The following GOLGA2 variants were observed in gnomAD, a reference collection of about 807,000 sequenced individuals.
GOLGA2 encodes golgin A2.
A neutral mutation model predicts 148.8 loss-of-function variants in GOLGA2; 49 were observed. The observed-to-expected ratio is 0.33, with a 90% CI of 0.26 to 0.42. The LOEUF is 0.42. GOLGA2 is among the 10% of genes least tolerant of loss of function. The pLI is 1.00. For missense variants in GOLGA2, 1,178 were observed against 1,304.6 expected (o/e 0.90, Z 1.49); for synonymous variants, 501 against 511.8 (o/e 0.98, Z 0.28).
chr9:128,271,781 T>G lies in GOLGA2; in HGVS notation c.288+1004A>C, dbSNP rs1237361149. Among the ~76,000 whole-genome samples the G allele has an allele frequency of 1.3e-5, 2 of 152,196 alleles. No homozygotes were observed. The highest frequency in any genetic ancestry group is 2.9e-5 in the Non-Finnish European group (2 of 68,040). On this transcript the variant is annotated intron_variant, in intron 3 of 26. Transcript: ENST00000611957. The surrounding 1 kb of genome is among the most constrained non-coding windows in gnomAD (Gnocchi z 4.4). The stretch of plus-strand genomic sequence containing the variant: ...TCAGAGGAGTCTGCCTCCCTCGGTG[T>G]GCAGCCTACCTTGTTCATCTATTTT...
rs1830180867 is a variant in GOLGA2, at chr9:128,260,369, T to G, written c.1758+96A>C. ...TCACAGATGCCTCCAGAAGTACCATTTCAAGTGAGGGCTACACTGCCCCAC... is the reference window on the plus strand; with the variant it reads ...TCACAGATGCCTCCAGAAGTACCATGTCAAGTGAGGGCTACACTGCCCCAC... On this transcript the variant is annotated intron_variant, in intron 18 of 26. Transcript: ENST00000611957. This position sits in a 1 kb window ranked among gnomAD's most constrained non-coding sequence, Gnocchi z 4.8. 8.6e-7 allele frequency: 1 copy of G among 1,160,272 alleles called. No individual in the cohort carries two copies. Among genetic ancestry groups the G allele is most frequent in the South Asian group, 1.3e-5 (1 of 77,822 alleles). The allele number at this position is 1,160,272 out of a possible 1,614,324, so 71.9% of individuals were successfully genotyped here.
chr9:128,260,995 T>C lies in GOLGA2; in HGVS notation c.1420+177A>G. The C allele has an allele frequency of 1.5e-6, 1 of 669,576 alleles. No individual in the cohort carries two copies. The highest frequency in any genetic ancestry group is 2.6e-5 in the Admixed American group (1 of 38,506). The allele number at this position is 669,576 out of a possible 1,614,324, so 41.5% of individuals were successfully genotyped here. On this transcript the variant is annotated intron_variant, in intron 17 of 26. Coordinates refer to ENST00000611957, the MANE Select transcript of GOLGA2 (RefSeq NM_001366244.2). This position sits in a 1 kb window ranked among gnomAD's most constrained non-coding sequence, Gnocchi z 4.8. Reference sequence around the variant, plus strand: ...GGCTGACAACGGGCACTCCTTCGTCTTTGCTGATGGGGCACTGAGGCTCAT... The same window carrying C: ...GGCTGACAACGGGCACTCCTTCGTCCTTGCTGATGGGGCACTGAGGCTCAT...
chr9:128,273,807 C>T, intron 2 of GOLGA2, 43 bp downstream of exon 2: 1 of 1,607,824 alleles, frequency 6.2e-7, no homozygotes. Flanking sequence ...TCTACTGCCC[C>T]TTGGGCCCCC....
At position 128,260,834 on chromosome 9, in the gene GOLGA2, G is replaced by A. The variant is rs1377957089; in HGVS notation, c.1421-32C>T. 6.8e-7 allele frequency: 1 copy of A among 1,465,282 alleles called. No individual in the cohort carries two copies. Among genetic ancestry groups the A allele is most frequent in the Non-Finnish European group, 9.3e-7 (1 of 1,076,920 alleles). The allele number at this position is 1,465,282 out of a possible 1,614,324, so 90.8% of individuals were successfully genotyped here. On this transcript the variant is annotated intron_variant, in intron 17 of 26. Transcript: ENST00000611957. The surrounding 1 kb of genome is among the most constrained non-coding windows in gnomAD (Gnocchi z 4.8). ...AAGGACGCAGACAATAAAAGCCTCTGGATTCTCAAAAAAACCCTCCTCTTG... is the reference window on the plus strand; with the variant it reads ...AAGGACGCAGACAATAAAAGCCTCTAGATTCTCAAAAAAACCCTCCTCTTG...
chr9:128,275,125 C>T (rs1831230714), intron 1 of GOLGA2, among the ~76,000 whole-genome samples: 1 of 152,178 alleles, frequency 6.6e-6, no homozygotes, highest in African/African-American at 2.4e-5. Context: ...TTTCAGTTCA[C>T]GGGTGAAGTG....
In GOLGA2 at chr9:128,257,366, C is replaced by T. The variant is rs1439900322; in HGVS notation, c.2875+3G>A. ...GCCCACCCCTCCCGAGGGCTCTACT[C>T]ACCACCCTGCTGGTTGGCAGCCCCA... On this transcript the variant is annotated splice_donor_region_variant and intron_variant, in intron 26 of 26. Coordinates refer to ENST00000611957, the MANE Select transcript of GOLGA2 (RefSeq NM_001366244.2). This position sits in a 1 kb window ranked among gnomAD's most constrained non-coding sequence, Gnocchi z 8.0. 6.2e-7 allele frequency: 1 copy of T among 1,613,118 alleles called. No individual in the cohort carries two copies. Among genetic ancestry groups the T allele is most frequent in the Non-Finnish European group, 8.5e-7 (1 of 1,179,996 alleles).
At chr9:128,265,515 G>A in intron 12 of GOLGA2, 70 bp downstream of exon 12, 2 of 1,119,970 alleles carry the variant, frequency 1.8e-6, no homozygotes, top group South Asian at 1.2e-5. Flanking sequence ...CCTGCAGAAG[G>A]GACCTTTAGG....
rs1462405405 is a variant in GOLGA2 at position 128,268,176 on chromosome 9, C to T, written c.394-16G>A. ...CATCATGATTCTGTTTGGGAAGAAA[C>T]GTGTGAGATGGTCATTCAATTTCTG... On this transcript the variant is annotated splice_polypyrimidine_tract_variant and intron_variant, in intron 4 of 26. Coordinates refer to ENST00000611957, the MANE Select transcript of GOLGA2 (RefSeq NM_001366244.2). 16 of 1,608,660 alleles carry T rather than the reference C, an allele frequency of 9.9e-6. No individual in the cohort carries two copies. Among genetic ancestry groups the T allele is most frequent in the East Asian group, 6.7e-5 (3 of 44,862 alleles).
chr9:128,265,820 G>A lies in GOLGA2; in HGVS notation c.794C>T (p.Ala265Val), dbSNP rs1830561247. Residue 265 changes from alanine to valine, a missense_variant, in exon 11 of 27, where the codon GCT becomes GTT. Physicochemically the swap from Ala to Val is moderately conservative, Grantham distance 64. Transcript: ENST00000611957. ...CTGCCTGGCAGCATGCTGAGTGTGA[G>A]CCAGGGCTGTCTGTAACTCAGCTTT... ...SEKAELQTAL[A>V]HTQHAARQKE... 6.2e-7 allele frequency: 1 copy of A among 1,613,834 alleles called. No homozygotes were observed.
chr9:128,272,345 A>G (rs1419317877), intron 3 of GOLGA2, among the ~76,000 whole-genome samples: 3 of 152,024 alleles, frequency 2.0e-5, no homozygotes, highest in Non-Finnish European at 4.4e-5. Flanking sequence ...TGAGCCAGAC[A>G]TGGTGGCAGG....
intron 12 of GOLGA2, among the ~76,000 whole-genome samples, chr9:128,263,913 T>G (rs1056549094): frequency 1.4e-5 from 2 of 147,614 alleles, no homozygotes; most frequent in Non-Finnish European, 3.0e-5. Context: ...TCCTGGCACT[T>G]TGGGAGGCCG....
chr9:128,267,427 G>C (rs761091945), intron 7 of GOLGA2, 31 bp downstream of exon 7: 2 of 1,587,940 alleles, frequency 1.3e-6, no homozygotes, highest in South Asian at 2.2e-5. Flanking sequence ...TGGCCTGCAG[G>C]GTCACTGGGC....
In GOLGA2 at chr9:128,271,856, T is replaced by C. The variant is rs1415103205; in HGVS notation, c.288+929A>G. Among the ~76,000 whole-genome samples the C allele has an allele frequency of 6.6e-6, 1 of 152,192 alleles. No individual in the cohort carries two copies. Among genetic ancestry groups the C allele is most frequent in the African/African-American group, 2.4e-5 (1 of 41,442 alleles). ...CCTTTGTTGTCAAGAGCCCAATGAATATGGCTAAATGTCCATTTGGAGAGA... is the reference window on the plus strand; with the variant it reads ...CCTTTGTTGTCAAGAGCCCAATGAACATGGCTAAATGTCCATTTGGAGAGA... On this transcript the variant is annotated intron_variant, in intron 3 of 26. Transcript: ENST00000611957. This position sits in a 1 kb window ranked among gnomAD's most constrained non-coding sequence, Gnocchi z 4.4.
chr9:128,270,567 T>C (rs1830878361), intron 3 of GOLGA2, among the ~76,000 whole-genome samples: 1 of 152,184 alleles, frequency 6.6e-6, no homozygotes, highest in East Asian at 1.9e-4. Flanking sequence ...AAATGTCCCA[T>C]CCCATTAAGA....
At chr9:128,272,003 C>T (rs1281371373) in intron 3 of GOLGA2, among the ~76,000 whole-genome samples, 1 of 150,918 alleles carries the variant, frequency 6.6e-6, no homozygotes, top group East Asian at 1.9e-4. Flanking sequence ...TTCTTTTAAC[C>T]CTTTGTTCCC....
rs777503459 is a variant in GOLGA2, at chr9:128,258,487, T to G, written c.2257A>C (p.Ile753Leu). 2 of 1,612,458 alleles carry G rather than the reference T, an allele frequency of 1.2e-6. No individual in the cohort carries two copies. Among genetic ancestry groups the G allele is most frequent in the Admixed American group, 3.3e-5 (2 of 59,740 alleles). The change falls in exon 22 of 27, where the codon ATC (isoleucine) becomes CTC (leucine). Residue 753 changes from isoleucine to leucine, a missense_variant. Coordinates refer to ENST00000611957, the MANE Select transcript of GOLGA2 (RefSeq NM_001366244.2). This position sits in a 1 kb window ranked among gnomAD's most constrained non-coding sequence, Gnocchi z 6.6. ...AVAVPQPMPS[I>L]PEDLESREAM... ...TCCCGGCTCTCCAGGTCCTCCGGGA[T>G]GCTTGGCATGGGCTGAGGTACTGCC...
At position 128,258,551 on chromosome 9, in the gene GOLGA2, C is replaced by G; in HGVS notation, c.2193G>C (p.Glu731Asp). ...HPGEGDGLDR[E>D]EEEDEEEEEE... ...CCTCCTCCTCCTCATCCTCCTCCTC[C>G]TCCCGGTCCAGTCCATCTCCTATGG... The change falls in exon 22 of 27, where the codon GAG becomes GAC. Residue 731 changes from glutamate (E) to aspartate (D), a missense_variant. Glu to Asp is a conservative substitution (Grantham distance 45). This residue lies in a region of GOLGA2 where 529 missense variants were observed against 521.8 expected (regional missense o/e 1.01). Transcript: ENST00000611957. This position sits in a 1 kb window ranked among gnomAD's most constrained non-coding sequence, Gnocchi z 6.6. 6.4e-7 allele frequency: 1 copy of G among 1,572,772 alleles called. No homozygotes were observed.
chr9:128,275,977 C>G lies in GOLGA2; in HGVS notation c.-1G>C. Reference sequence around the variant, plus strand: ...GAGGGAGGCGGGGTTGGGGCCACATCAGCGCGATCCCGGCAACCACTGCGG... The same window carrying G: ...GAGGGAGGCGGGGTTGGGGCCACATGAGCGCGATCCCGGCAACCACTGCGG... On this transcript the variant is annotated 5_prime_UTR_variant, in exon 1 of 27. Transcript: ENST00000611957. 1 of 1,598,322 alleles carries G rather than the reference C, an allele frequency of 6.3e-7. No homozygotes were observed. The highest frequency in any genetic ancestry group is 1.1e-5 in the South Asian group (1 of 90,388).
intron 1 of GOLGA2, chr9:128,275,292 CCTAAGATCAAAGACTGGT>C (rs1831247787): frequency 1.4e-6 from 1 of 738,042 alleles, no homozygotes; most frequent in Non-Finnish European, 2.0e-6. Flanking sequence ...GGGACTGGGT[CCTAAGATCAAAGACTGGT>C]CTCGCGCAAC....
Sources: gnomAD v4.1 joint callset for allele counts (sites outside exome capture counted in the v4.1 genomes callset) on GRCh38, gnomAD v4.1.1 for gene constraint, gnomAD v4.1.1 regional missense constraint, Gnocchi (gnomAD v3.1) non-coding constraint, MANE v1.5 for transcripts, NCBI Gene and HGNC (gene_info 2026-07-23, HGNC 2026-07-21) for gene names.